The following CROCC2 variants were observed in gnomAD, a reference collection of about 807,000 sequenced individuals.
CROCC2 encodes the protein ciliary rootlet coiled-coil, rootletin family member 2, also known as ciliary rootlet coiled-coil protein 2.
A neutral mutation model predicts 177.6 loss-of-function variants in CROCC2; 163 were observed. The ratio of observed to expected loss-of-function variants is 0.92; its 90% CI spans 0.81 to 1.05. The LOEUF is 1.05. Among genes scored for constraint, CROCC2 ranks in the 50% least tolerant of loss-of-function variants. The pLI is 0.00. For missense variants in CROCC2, 1,929 were observed against 1,797.8 expected, an observed-to-expected ratio of 1.07 and a Z score of -1.32; for synonymous variants, 904 against 787.3, an observed-to-expected ratio of 1.15 and a Z score of -2.48.
intron 14 of CROCC2, among the ~76,000 whole-genome samples, 194 bp from the exon 15 acceptor site, chr2:240,945,866 C>A (rs576855902): frequency 2.0e-5 from 3 of 152,140 alleles, no homozygotes; most frequent in South Asian, 4.2e-4. Context: ...ACTCAGGGTA[C>A]CTGAGTGGAT....
At chr2:240,913,182 G>T (rs1483108124) in intron 1 of CROCC2, among the ~76,000 whole-genome samples, 3 of 152,132 alleles carry the variant, frequency 2.0e-5, no homozygotes, top group Non-Finnish European at 4.4e-5. Context: ...CTGGAGCCAG[G>T]TTCCTGCTCT....
chr2:240,968,241 C>T lies in CROCC2; in HGVS notation c.4380C>T (p.Gly1460=). The T allele has an allele frequency of 6.5e-7, 1 of 1,531,536 alleles. No individual in the cohort carries two copies. Among genetic ancestry groups the T allele is most frequent in the East Asian group, 2.5e-5 (1 of 40,810 alleles). 94.9% of individuals were successfully genotyped at this position (1,531,536 alleles called of 1,614,324 possible). ...LEHLASVRAA[G]QEKRRLQEQL... ...ACCTGGCGAGCGTGCGTGCGGCAGGCCAGGAGAAGCGGCGGCTGCAGGTGG... is the reference window on the plus strand; with the variant it reads ...ACCTGGCGAGCGTGCGTGCGGCAGGTCAGGAGAAGCGGCGGCTGCAGGTGG... Residue 1460 remains glycine, a synonymous_variant, in exon 27 of 32, where the codon GGC becomes GGT. Transcript: ENST00000690015.
chr2:240,921,717 C>T (rs1359360551), intron 3 of CROCC2, among the ~76,000 whole-genome samples: 3 of 152,188 alleles, frequency 2.0e-5, no homozygotes, highest in South Asian at 2.1e-4. Flanking sequence ...TGGGGTGGCA[C>T]CCCCAGACCC....
chr2:240,965,386 G>T lies in CROCC2; in HGVS notation c.3471G>T (p.Arg1157Ser). 1 of 1,549,392 alleles carries T rather than the reference G, an allele frequency of 6.5e-7. No homozygotes were observed. The highest frequency in any genetic ancestry group is 8.7e-7 in the Non-Finnish European group (1 of 1,146,898). Residue 1157 changes from arginine to serine, a missense_variant, in exon 23 of 32, where the codon AGG (arginine) becomes AGT (serine). Physicochemically the swap from Arg to Ser is moderately radical, Grantham distance 110 (BLOSUM62 -1). Around this residue, in one of 3 missense-constraint regions of CROCC2, gnomAD observed 1,397 missense variants for 1,239.9 expected, o/e 1.13. Transcript: ENST00000690015. ...QELRELHRQVRTLKAENQRRS... is the reference protein window; with the variant it reads ...QELRELHRQVSTLKAENQRRS... ...GTGCGGCCCCACGCTCCCAGGTGAGGACACTGAAGGCCGAGAACCAGAGGA... is the reference window on the plus strand; with the variant it reads ...GTGCGGCCCCACGCTCCCAGGTGAGTACACTGAAGGCCGAGAACCAGAGGA...
intron 6 of CROCC2, 23 bp from the exon 7 acceptor site, chr2:240,930,908 C>G (rs547207724): frequency 2.9e-6 from 2 of 693,638 alleles, no homozygotes; most frequent in African/African-American, 3.5e-5. Context: ...GAGTCCGCCA[C>G]AGATGCTGCC....
At position 240,930,214 on chromosome 2, in the gene CROCC2, A is replaced by T; in HGVS notation, c.694A>T (p.Arg232Ter). 1 of 597,624 alleles carries T rather than the reference A, an allele frequency of 1.7e-6. No individual in the cohort carries two copies. The highest frequency in any genetic ancestry group is 3.1e-6 in the Non-Finnish European group (1 of 325,842). 37.0% of individuals were successfully genotyped at this position (597,624 alleles called of 1,614,324 possible). ...GQPRDLLLLWRQAVVLGTDLA... is the reference protein window; with the variant it reads ...GQPRDLLLLW Reference sequence around the variant, plus strand: ...GCCCCGGGACCTCCTCCTCCTGTGGAGACAGGCCGTGGTGCTGGGGACAGA... The same window carrying T: ...GCCCCGGGACCTCCTCCTCCTGTGGTGACAGGCCGTGGTGCTGGGGACAGA... The change falls in exon 6 of 32, where the codon AGA (arginine) becomes TGA (stop). Residue 232 changes from arginine to a stop codon, truncating the protein, a stop_gained. Transcript: ENST00000690015. LOFTEE classifies it high-confidence loss of function.
At chr2:240,906,773 G>A (rs2059257040) in intron 1 of CROCC2, among the ~76,000 whole-genome samples, 182 bp downstream of exon 1, 1 of 152,258 alleles carries the variant, frequency 6.6e-6, no homozygotes, top group South Asian at 2.1e-4. Flanking sequence ...AGGCGCGCCT[G>A]CATGCACACA....
Position 240,932,302 on chromosome 2 carries a change from C to T in CROCC2, c.948-16C>T, listed in dbSNP as rs571062103. The T allele has an allele frequency of 8.4e-6, 6 of 710,658 alleles. No homozygotes were observed. Among genetic ancestry groups the T allele is most frequent in the Admixed American group, 4.0e-5 (2 of 49,782 alleles). 44.0% of individuals were successfully genotyped at this position (710,658 alleles called of 1,614,324 possible). A position where few individuals can be genotyped will look rare whatever the true frequency, so the allele number is the denominator to read the frequency against. ...GGGCCCTGCCCTTCACCCCCACACC[C>T]CCCGACTCCTCCCAGACTCTCGGAG... On this transcript the variant is annotated splice_polypyrimidine_tract_variant and intron_variant, in intron 7 of 31. Coordinates refer to ENST00000690015, the MANE Select transcript of CROCC2 (RefSeq NM_001351305.2).
At chr2:240,911,061 G>A (rs1483462204) in intron 1 of CROCC2, among the ~76,000 whole-genome samples, 55 of 152,052 alleles carry the variant, frequency 3.6e-4, no homozygotes, top group Non-Finnish European at 1.3e-4. Flanking sequence ...AACCCAGGAG[G>A]TGGAGGTAAC....
Position 240,963,542 on chromosome 2 carries a change from A to G in CROCC2, c.3088-14A>G. ...GTCCCCAGCGGGCCTCTAGAGCTGA[A>G]TGGTCCTCCCCAGGCTGAGAGGCTG... On this transcript the variant is annotated splice_polypyrimidine_tract_variant and intron_variant, in intron 20 of 31. Coordinates refer to ENST00000690015, the MANE Select transcript of CROCC2 (RefSeq NM_001351305.2). The G allele has an allele frequency of 6.6e-7, 1 of 1,525,262 alleles. No individual in the cohort carries two copies. Among genetic ancestry groups the G allele is most frequent in the Non-Finnish European group, 8.8e-7 (1 of 1,131,902 alleles). 94.5% of individuals were successfully genotyped at this position (1,525,262 alleles called of 1,614,324 possible).
chr2:240,935,286 CT>C, intron 13 of CROCC2, 71 bp from the exon 14 acceptor site: 1 of 1,299,078 alleles, frequency 7.7e-7, no homozygotes, highest in Non-Finnish European at 9.9e-7. Context: ...CGGGGCAGGC[CT>C]TGGGGATGGC....
intron 1 of CROCC2, among the ~76,000 whole-genome samples, chr2:240,915,792 T>C (rs1206826610): frequency 1.3e-5 from 2 of 152,100 alleles, no homozygotes; most frequent in Non-Finnish European, 2.9e-5. Context: ...TCAGGGGCTG[T>C]GACCTCCCTG....
Position 240,958,658 on chromosome 2 carries a change from G to A in CROCC2, c.2944-643G>A, listed in dbSNP as rs1478388077. 5.5e-6 allele frequency: 5 copies of A among 907,046 alleles called. No individual in the cohort carries two copies. The highest frequency in any genetic ancestry group is 1.0e-4 in the South Asian group (2 of 19,758). The allele number at this position is 907,046 out of a possible 1,614,324, so 56.2% of individuals were successfully genotyped here. On this transcript the variant is annotated intron_variant, in intron 19 of 31. Transcript: ENST00000690015. The surrounding 1 kb of genome is among the most constrained non-coding windows in gnomAD (Gnocchi z 6.7). The stretch of plus-strand genomic sequence containing the variant: ...GGGGTGCAGAGCCTGAGCAGGGCAG[G>A]GCTCGGACCCTTCATGTTGAGGACA...
At chr2:240,928,420 T>TTGTGTGTGTGTGTGTGTGTG (rs58145871) in intron 5 of CROCC2, among the ~76,000 whole-genome samples, 61 of 147,766 alleles carry the variant, frequency 4.1e-4, no homozygotes, top group Middle Eastern at 3.4e-3. Flanking sequence ...TGTGCCTGTT[T>TTGTGTGTGTGTGTGTGTGTG]TGTGTGTGTG....
chr2:240,983,284 C>A, intron 28 of CROCC2: 1 of 1,028,060 alleles, frequency 9.7e-7, no homozygotes, highest in Non-Finnish European at 1.4e-6. Flanking sequence ...AGTAAGCACC[C>A]CTACAACAGA....
intron 28 of CROCC2, chr2:240,983,458 G>T (rs1472489309): frequency 3.2e-6 from 4 of 1,249,000 alleles, no homozygotes; most frequent in Non-Finnish European, 4.1e-6. Flanking sequence ...TCAGCGGCGG[G>T]CAGGAGGCGG....
Position 240,906,344 on chromosome 2 carries a change from T to C in CROCC2, c.-170T>C, listed in dbSNP as rs760620904. ...TACGGGCTCAGCTGGCCATACTGTC[T>C]TACCCACAGGGCAAGAGCAACTGGG... On this transcript the variant is annotated 5_prime_UTR_variant, in exon 1 of 32. Coordinates refer to ENST00000690015, the MANE Select transcript of CROCC2 (RefSeq NM_001351305.2). The C allele has an allele frequency of 1.5e-5, 6 of 396,726 alleles. No individual in the cohort carries two copies. The highest frequency in any genetic ancestry group is 4.1e-5 in the African/African-American group (2 of 48,598). The allele number at this position is 396,726 out of a possible 1,614,324, so 24.6% of individuals were successfully genotyped here.
intron 31 of CROCC2, among the ~76,000 whole-genome samples, chr2:240,992,416 T>C (rs2059885492): frequency 6.6e-6 from 1 of 152,270 alleles, no homozygotes; most frequent in African/African-American, 2.4e-5. Flanking sequence ...AAGATCACTC[T>C]GGGACTTAAA....
At chr2:240,926,645 T>G (rs1366047527) in intron 5 of CROCC2, among the ~76,000 whole-genome samples, 1 of 152,160 alleles carries the variant, frequency 6.6e-6, no homozygotes, top group East Asian at 1.9e-4. Context: ...GGCAGCCGCG[T>G]TTCTGGCCTC....
Sources: gnomAD v4.1 joint callset for allele counts (sites outside exome capture counted in the v4.1 genomes callset) on GRCh38, gnomAD v4.1.1 for gene constraint, gnomAD v4.1.1 regional missense constraint, Gnocchi (gnomAD v3.1) non-coding constraint, MANE v1.5 for transcripts, NCBI Gene and HGNC (gene_info 2026-07-23, HGNC 2026-07-21) for gene names.